The following CCNY variants were observed in gnomAD, a reference collection of about 807,000 sequenced individuals.
The protein encoded by CCNY is cyclin-Y.
A neutral mutation model predicts 42.8 loss-of-function variants in CCNY; 19 were observed. The observed-to-expected ratio is 0.44, with a 90% confidence interval of 0.31 to 0.65. CCNY has a LOEUF of 0.65. Among genes scored for constraint, CCNY ranks in the 30% least tolerant of loss-of-function variants. The pLI is 0.07. For missense variants in CCNY, 370 were observed against 437.3 expected, an observed-to-expected ratio of 0.85 and a Z score of 1.37; for synonymous variants, 165 against 162.7, an observed-to-expected ratio of 1.01 and a Z score of -0.11.
At chr10:35,366,222 C>G (rs1463918141) in intron 1 of CCNY, among the ~76,000 whole-genome samples, 1 of 152,124 alleles carries the variant, frequency 6.6e-6, no homozygotes, top group Non-Finnish European at 1.5e-5. Flanking sequence ...ACATTTGTTT[C>G]CTTGATGAGA....
intron 3 of CCNY, among the ~76,000 whole-genome samples, chr10:35,273,681 ATG>A (rs774680478): frequency 1.3e-5 from 2 of 151,386 alleles, no homozygotes; most frequent in Non-Finnish European, 2.9e-5. Context: ...GGGTTACTTG[ATG>A]TCCTGTGGTC....
chr10:35,385,554 A>G (rs187218083), intron 1 of CCNY, among the ~76,000 whole-genome samples: 1 of 152,348 alleles, frequency 6.6e-6, no homozygotes, highest in East Asian at 1.9e-4. Flanking sequence ...TGCTTTGTCC[A>G]CAGTTTTCCA....
chr10:35,324,305 T>C (rs556162368), intron 3 of CCNY, among the ~76,000 whole-genome samples: 1 of 152,174 alleles, frequency 6.6e-6, no homozygotes, highest in Non-Finnish European at 1.5e-5. Flanking sequence ...ATGCCTTCCT[T>C]ACATCATCCA....
At chr10:35,451,582 G>A (rs1838917305) in intron 1 of CCNY, among the ~76,000 whole-genome samples, 2 of 152,180 alleles carry the variant, frequency 1.3e-5, no homozygotes, top group Non-Finnish European at 2.9e-5. Context: ...TGGTGCTTTT[G>A]TGAGGGCCAA....
intron 3 of CCNY, among the ~76,000 whole-genome samples, chr10:35,285,025 AT>A (rs896079911): frequency 6.6e-6 from 1 of 151,640 alleles, no homozygotes; most frequent in African/African-American, 2.4e-5. Flanking sequence ...TTATTTATTT[AT>A]TTTTTTCCAG....
chr10:35,459,282 GGTGTA>G (rs1272336893), intron 1 of CCNY, among the ~76,000 whole-genome samples: 1 of 152,206 alleles, frequency 6.6e-6, no homozygotes, highest in African/African-American at 2.4e-5. Flanking sequence ...CTCTTCCAAA[GGTGTA>G]GATAGACCAA....
At chr10:35,356,454 C>T (rs924751019) in intron 1 of CCNY, among the ~76,000 whole-genome samples, 5 of 152,132 alleles carry the variant, frequency 3.3e-5, no homozygotes, top group Non-Finnish European at 7.4e-5. Context: ...CCCAATTCTC[C>T]ATGACTCCGC....
intron 1 of CCNY, among the ~76,000 whole-genome samples, chr10:35,417,613 C>T (rs1838053811): frequency 6.6e-6 from 1 of 152,124 alleles, no homozygotes; most frequent in South Asian, 2.1e-4. Flanking sequence ...ATTTGTAGAG[C>T]TTTTGGTCGT....
intron 3 of CCNY, among the ~76,000 whole-genome samples, chr10:35,510,935 C>G (rs1840313285): frequency 6.6e-6 from 1 of 152,254 alleles, no homozygotes; most frequent in Admixed American, 6.5e-5. Flanking sequence ...CAGCCAAGCA[C>G]TGGGCTTTCT....
intron 3 of CCNY, among the ~76,000 whole-genome samples, chr10:35,292,790 T>TC (rs1835429498): frequency 1.4e-5 from 2 of 147,762 alleles, no homozygotes. Context: ...TGTTTTTTTT[T>TC]TTTTTTTTTT....
intron 4 of CCNY, among the ~76,000 whole-genome samples, chr10:35,519,476 G>A (rs190796599): frequency 6.6e-6 from 1 of 152,334 alleles, no homozygotes; most frequent in African/African-American, 2.4e-5. Context: ...CATACTGTGA[G>A]TATCTGGATT....
chr10:35,324,779 G>T (rs963296324), intron 3 of CCNY, among the ~76,000 whole-genome samples: 15 of 152,074 alleles, frequency 9.9e-5, no homozygotes, highest in African/African-American at 3.6e-4. Flanking sequence ...GTTGAAATGG[G>T]TCTGAAGAAT....
Position 35,570,494 on chromosome 10 carries a change from A to C in CCNY, c.*1324A>C, listed in dbSNP as rs1321501846. ...AGAATCTTTTATATCAAGTAAAATGAAAGTTGATGATAGAATATCAAATAG... is the reference window on the plus strand; with the variant it reads ...AGAATCTTTTATATCAAGTAAAATGCAAGTTGATGATAGAATATCAAATAG... On this transcript the variant is annotated 3_prime_UTR_variant, in exon 10 of 10. Transcript: ENST00000374704. 6.6e-6 allele frequency: 1 copy of C among 152,328 alleles called. No homozygotes were observed. Among genetic ancestry groups the C allele is most frequent in the Non-Finnish European group, 1.5e-5 (1 of 68,030 alleles). 9.4% of individuals were successfully genotyped at this position (152,328 alleles called of 1,614,324 possible). A position where few individuals can be genotyped will look rare whatever the true frequency, so the allele number is the denominator to read the frequency against.
intron 1 of CCNY, among the ~76,000 whole-genome samples, chr10:35,470,408 G>C (rs1373234451): frequency 6.6e-6 from 1 of 152,228 alleles, no homozygotes; most frequent in Non-Finnish European, 1.5e-5. Flanking sequence ...GCTGCACACA[G>C]AGACACATCC....
chr10:35,299,332 C>T (rs1238765456), intron 3 of CCNY, among the ~76,000 whole-genome samples: 4 of 152,212 alleles, frequency 2.6e-5, no homozygotes, highest in African/African-American at 9.6e-5. Context: ...AGTTTTCTGT[C>T]TGCTATTTCT....
chr10:35,297,631 C>T (rs1835487056), intron 3 of CCNY, among the ~76,000 whole-genome samples: 3 of 152,100 alleles, frequency 2.0e-5, no homozygotes. Flanking sequence ...GATCTGGTAA[C>T]TTCAGCAAAG....
At chr10:35,276,120 G>C (rs1168839166) in intron 3 of CCNY, among the ~76,000 whole-genome samples, 3 of 152,132 alleles carry the variant, frequency 2.0e-5, no homozygotes, top group Admixed American at 6.5e-5. Flanking sequence ...AAATAGGCTC[G>C]GGTCCAGAAA....
intron 1 of CCNY, among the ~76,000 whole-genome samples, chr10:35,420,927 C>T (rs1051498770): frequency 1.3e-5 from 2 of 152,194 alleles, no homozygotes; most frequent in Non-Finnish European, 2.9e-5. Flanking sequence ...TTTACTGATT[C>T]AGAATCATAC....
Position 35,494,236 on chromosome 10 carries a change from C to CG in CCNY, c.230-7265_230-7264insG, listed in dbSNP as rs1554794882. On this transcript the variant is annotated intron_variant, in intron 2 of 9. Coordinates refer to ENST00000374704, the MANE Select transcript of CCNY (RefSeq NM_145012.6). ...ACCAGCCTGGACAGCATAGTGAGAC[C>CG]CCCCCCCCCATTTCTACAAAAAAAT... 1.1e-4 allele frequency among the ~76,000 whole-genome samples: 15 copies of CG among 131,226 alleles called. 1 individual carries two copies. In the East Asian group the frequency reaches 2.5e-3, roughly 22 times the overall value. The allele number at this position is 131,226 out of a possible 152,430, so 86.1% of individuals were successfully genotyped here. A position where few individuals can be genotyped will look rare whatever the true frequency, so the allele number is the denominator to read the frequency against.
Sources: gnomAD v4.1 joint callset for allele counts (sites outside exome capture counted in the v4.1 genomes callset) on GRCh38, gnomAD v4.1.1 for gene constraint, MANE v1.5 for transcripts, NCBI Gene and HGNC (gene_info 2026-07-23, HGNC 2026-07-21) for gene names.